MYH11: variants seen among roughly 807,000 people sequenced by gnomAD.
The protein encoded by MYH11 is myosin-11.
A neutral mutation model predicts 246.6 loss-of-function variants in MYH11; 80 were observed. That is an observed-to-expected ratio of 0.32 (90% CI 0.27 to 0.39). The LOEUF (loss-of-function observed/expected upper bound fraction) is 0.39, where lower values mean the gene tolerates loss of function less well. Ranked by LOEUF, MYH11 falls within the 10% of genes least tolerant of loss-of-function variation. The pLI, the probability that MYH11 is intolerant of heterozygous loss-of-function variation, is 1.00. For missense variants in MYH11, 2,158 were observed against 2,546.8 expected (o/e 0.85, Z 3.29); for synonymous variants, 1,071 against 1,015.5 (o/e 1.05, Z -1.04).
At chr16:15,817,677 C>G (rs2151350287) in intron 3 of MYH11, among the ~76,000 whole-genome samples, 1 of 152,266 alleles carries the variant, frequency 6.6e-6, no homozygotes, top group African/African-American at 2.4e-5. Flanking sequence ...AAAGTCCCTC[C>G]CATTTTCCCA....
chr16:15,778,782 G>C lies in MYH11; in HGVS notation c.788C>G (p.Thr263Ser), dbSNP rs2042281383. ...TGYIVGANIE[T>S]YLLEKSRAIR... ...GCCCAGGCTCAGGGAAAGGATACAG[G>C]TCTCAATGTTGGCTCCCACGATGTA... Residue 263 changes from threonine to serine, a missense_variant and splice_region_variant, in exon 7 of 41, where the codon ACC (threonine) becomes AGC (serine). Physicochemically the swap from Thr to Ser is moderately conservative, Grantham distance 58. Coordinates refer to ENST00000300036, the MANE Select transcript of MYH11 (RefSeq NM_002474.3). 6.2e-7 allele frequency: 1 copy of C among 1,613,972 alleles called. No individual in the cohort carries two copies. The highest frequency in any genetic ancestry group is 1.1e-5 in the South Asian group (1 of 91,078).
chr16:15,704,223 G>T, intron 40 of MYH11, 100 bp from the exon 41 acceptor site: 1 of 1,434,766 alleles, frequency 7.0e-7, no homozygotes, highest in Non-Finnish European at 9.5e-7. Context: ...TAGTCCTATT[G>T]CAATATAAAT....
intron 1 of MYH11, among the ~76,000 whole-genome samples, chr16:15,845,209 C>T (rs2044154234): frequency 6.6e-6 from 1 of 152,128 alleles, no homozygotes; most frequent in African/African-American, 2.4e-5. Flanking sequence ...AACCTGCAGC[C>T]CACAGGCTGC....
chr16:15,845,576 C>T (rs553637915), intron 1 of MYH11, among the ~76,000 whole-genome samples: 6 of 152,178 alleles, frequency 3.9e-5, no homozygotes, highest in African/African-American at 1.2e-4. Context: ...TGATACGACG[C>T]GTCTTCTTTT....
chr16:15,808,159 G>A (rs546989739), intron 3 of MYH11, among the ~76,000 whole-genome samples: 32 of 152,338 alleles, frequency 2.1e-4, no homozygotes, highest in African/African-American at 6.0e-4. Context: ...TGCCCCGCAC[G>A]GAGGCAGATG....
intron 19 of MYH11, among the ~76,000 whole-genome samples, chr16:15,745,497 A>C (rs1239331577): frequency 2.7e-5 from 4 of 149,330 alleles, no homozygotes; most frequent in Non-Finnish European, 5.9e-5. Context: ...TCCAAACACC[A>C]CTCAGAAAAC....
intron 9 of MYH11, among the ~76,000 whole-genome samples, chr16:15,768,566 C>A (rs567252653): frequency 6.6e-6 from 1 of 152,142 alleles, no homozygotes; most frequent in African/African-American, 2.4e-5. Flanking sequence ...GTCATTTGCA[C>A]GCCATCGTCT....
Position 15,782,432 on chromosome 16 carries a change from C to G in MYH11, c.679G>C (p.Ala227Pro). 6.2e-7 allele frequency: 1 copy of G among 1,614,150 alleles called. No homozygotes were observed. The highest frequency in any genetic ancestry group is 8.5e-7 in the Non-Finnish European group (1 of 1,180,016). The change falls in exon 6 of 41, where the codon GCT (alanine) becomes CCT (proline). Residue 227 changes from alanine to proline, a missense_variant. Ala to Pro is a conservative substitution (Grantham distance 27, BLOSUM62 -1). Coordinates refer to ENST00000300036, the MANE Select transcript of MYH11 (RefSeq NM_002474.3). ...QLLQANPILE[A>P]FGNAKTVKND... is the part of the protein sequence containing the mutation. ...TTCACTGTTTTGGCGTTGCCGAAAG[C>G]CTCCAGAATCGGGTTTGCTTGTAGA...
intron 11 of MYH11, among the ~76,000 whole-genome samples, chr16:15,760,057 A>G (rs974038614): frequency 3.3e-5 from 5 of 151,910 alleles, no homozygotes; most frequent in Admixed American, 3.3e-4. Context: ...CGATGGCACC[A>G]CTGCACCCCC....
intron 1 of MYH11, among the ~76,000 whole-genome samples, chr16:15,848,382 C>T (rs1272079535): frequency 2.0e-5 from 3 of 151,896 alleles, no homozygotes; most frequent in African/African-American, 7.3e-5. Context: ...TACAGGCATG[C>T]GCTACCATGC....
intron 2 of MYH11, among the ~76,000 whole-genome samples, chr16:15,829,566 C>T (rs1307760300): frequency 6.6e-6 from 1 of 152,182 alleles, no homozygotes; most frequent in Non-Finnish European, 1.5e-5. Flanking sequence ...TCTCTGGCCC[C>T]ACGAGCCCCT....
chr16:15,844,862 G>A (rs1178120144), intron 1 of MYH11, among the ~76,000 whole-genome samples: 1 of 152,076 alleles, frequency 6.6e-6, no homozygotes, highest in African/African-American at 2.4e-5. Flanking sequence ...AAAAGAGAAA[G>A]CCACAGAGAA....
At position 15,735,425 on chromosome 16, in the gene MYH11, C is replaced by T. The variant is rs1596753091; in HGVS notation, c.3447G>A (p.Glu1149=). The T allele has an allele frequency of 6.2e-7, 1 of 1,613,984 alleles. No individual in the cohort carries two copies. The highest frequency in any genetic ancestry group is 1.3e-5 in the African/African-American group (1 of 74,906). ...KQKRDLGEEL[E]ALKTELEDTL... ...TGTCTTCCAGCTCTGTCTTTAGGGC[C>T]TCCAGCTCCTCGCCGAGGTCTCGCT... Residue 1149 remains glutamate (E), a synonymous_variant, in exon 26 of 41, where the codon GAG becomes GAA. Transcript: ENST00000300036.
intron 40 of MYH11, among the ~76,000 whole-genome samples, chr16:15,707,937 A>G (rs146921406): frequency 0.043 from 5,955 of 137,170 alleles, 164 homozygotes; most frequent in South Asian, 0.098. Flanking sequence ...GCGCCATTGC[A>G]CTCCAGAGCG....
In MYH11 at chr16:15,786,641, T is replaced by C; in HGVS notation, c.622A>G (p.Thr208Ala). The C allele has an allele frequency of 6.2e-7, 1 of 1,614,144 alleles. No homozygotes were observed. The change falls in exon 5 of 41, where the codon ACA (threonine) becomes GCA (alanine). Residue 208 changes from threonine to alanine, a missense_variant. Physicochemically the swap from Thr to Ala is moderately conservative, Grantham distance 58. Transcript: ENST00000300036. ...VASSHKGKKD[T>A]SITGELEKQL... ...GAACTGCCACTCACCGTGATACTTG[T>C]GTCTTTCTTGCCCTTGTGGGAGGAG...
rs1555569336 is a variant in MYH11 at position 15,788,077 on chromosome 16, C to CTTTTTTTTT, written c.531-1354_531-1346dup. On this transcript the variant is annotated intron_variant, in intron 4 of 40. Coordinates refer to ENST00000300036, the MANE Select transcript of MYH11 (RefSeq NM_002474.3). ...GTCCTCCTGGAATATGAAGGTAGATCTTTTTTTTTTTTTTTTTTACCAAGA... is the reference window on the plus strand; with the variant it reads ...GTCCTCCTGGAATATGAAGGTAGATCTTTTTTTTTTTTTTTTTTTTTTTTTTTACCAAGA... Among the ~76,000 whole-genome samples the CTTTTTTTTT allele has an allele frequency of 4.1e-3, 228 of 55,350 alleles. 28 individuals are homozygous for CTTTTTTTTT. In the Admixed American group the frequency reaches 0.043, roughly 10 times the overall value. 36.3% of individuals were successfully genotyped at this position (55,350 alleles called of 152,430 possible). A position where few individuals can be genotyped will look rare whatever the true frequency, so the allele number is the denominator to read the frequency against.
At chr16:15,786,573 T>C in intron 5 of MYH11, 57 bp downstream of exon 5, 1 of 1,492,816 alleles carries the variant, frequency 6.7e-7, no homozygotes, top group Non-Finnish European at 9.3e-7. Context: ...TCGGTTGGGC[T>C]GCAAGCTGGA....
chr16:15,814,203 A>C (rs995818611), intron 3 of MYH11, among the ~76,000 whole-genome samples: 7 of 151,934 alleles, frequency 4.6e-5, no homozygotes, highest in African/African-American at 1.7e-4. Context: ...AGAACTAGAG[A>C]GGGGAGAACA....
chr16:15,842,551 T>C (rs889093228), intron 1 of MYH11, among the ~76,000 whole-genome samples: 7 of 151,108 alleles, frequency 4.6e-5, no homozygotes, highest in African/African-American at 1.7e-4. Flanking sequence ...TTGCTTGAGG[T>C]CCGGAGTTCA....
Sources: allele counts gnomAD v4.1 joint callset (sites outside exome capture counted in the v4.1 genomes callset), GRCh38; gene constraint gnomAD v4.1.1; transcripts MANE v1.5; gene names NCBI Gene and HGNC (gene_info 2026-07-23, HGNC 2026-07-21).